CHST9: variants seen among roughly 807,000 people sequenced by gnomAD.
CHST9 encodes GalNAc-4-sulfotransferase 2.
A neutral mutation model predicts 44.4 loss-of-function variants in CHST9; 41 were observed. That is an observed-to-expected ratio of 0.92 (90% CI 0.72 to 1.20). The LOEUF is 1.20. Among genes scored for constraint, CHST9 ranks in the 50% most tolerant of loss-of-function variants. CHST9 has a pLI of 0.00. For missense variants in CHST9, 504 were observed against 516.5 expected (o/e 0.98, Z 0.23); for synonymous variants, 171 against 178.4 (o/e 0.96, Z 0.33).
chr18:27,159,383 T>G (rs1198578959), intron 1 of CHST9, among the ~76,000 whole-genome samples: 3 of 152,230 alleles, frequency 2.0e-5, no homozygotes, highest in Non-Finnish European at 4.4e-5. Flanking sequence ...CCCCATTTCT[T>G]GTTTTTGTCA....
intron 2 of CHST9, 86 bp downstream of exon 2, chr18:27,142,603 A>G (rs1207252799): frequency 2.2e-6 from 2 of 893,886 alleles, no homozygotes; most frequent in Non-Finnish European, 3.1e-6. Flanking sequence ...GTGATTCTCA[A>G]TATATTAATA....
intron 4 of CHST9, among the ~76,000 whole-genome samples, chr18:27,011,195 A>G (rs1351420430): frequency 6.6e-6 from 1 of 152,258 alleles, no homozygotes; most frequent in African/African-American, 2.4e-5. Context: ...AGAATGACAA[A>G]ATAGCAAGCC....
At chr18:27,056,117 AT>A (rs1568152807) in intron 2 of CHST9, among the ~76,000 whole-genome samples, 1 of 152,184 alleles carries the variant, frequency 6.6e-6, no homozygotes, top group Non-Finnish European at 1.5e-5. Flanking sequence ...GAATGAAACA[AT>A]TTTTTTAACT....
At chr18:26,964,611 C>T (rs2056441686) in intron 4 of CHST9, among the ~76,000 whole-genome samples, 1 of 152,228 alleles carries the variant, frequency 6.6e-6, no homozygotes, top group Non-Finnish European at 1.5e-5. Flanking sequence ...TCTGGGTCTA[C>T]CAGTCAGGGC....
chr18:26,979,950 A>G (rs966412893), intron 4 of CHST9, among the ~76,000 whole-genome samples: 4 of 152,208 alleles, frequency 2.6e-5, no homozygotes, highest in Admixed American at 2.0e-4. Flanking sequence ...AAGATTCATA[A>G]ATGAGAAATT....
Position 26,914,680 on chromosome 18 carries a change from G to A in CHST9, c.*1579C>T. The A allele has an allele frequency of 2.8e-6, 1 of 357,700 alleles. No homozygotes were observed. Among genetic ancestry groups the A allele is most frequent in the Non-Finnish European group, 5.0e-6 (1 of 200,646 alleles). The allele number at this position is 357,700 out of a possible 1,614,324, so 22.2% of individuals were successfully genotyped here. ...CACAGATGGGACACGGCAGGTGTGT[G>A]TAAGGAGCGAAGCAATTCATGAATA... is the stretch of plus-strand genomic sequence containing the variant. On this transcript the variant is annotated 3_prime_UTR_variant, in exon 6 of 6. Coordinates refer to ENST00000618847, the MANE Select transcript of CHST9 (RefSeq NM_031422.6).
At chr18:27,006,594 T>C (rs2057018716) in intron 4 of CHST9, among the ~76,000 whole-genome samples, 2 of 152,272 alleles carry the variant, frequency 1.3e-5, no homozygotes, top group South Asian at 4.1e-4. Flanking sequence ...GGAACAATCG[T>C]TTGTTTCTAA....
At chr18:27,118,252 T>C (rs2058345701) in intron 2 of CHST9, among the ~76,000 whole-genome samples, 1 of 152,236 alleles carries the variant, frequency 6.6e-6, no homozygotes, top group African/African-American at 2.4e-5. Context: ...CATTTTCTTA[T>C]TGTTGAGCTT....
At chr18:26,968,999 T>C (rs1274984046) in intron 4 of CHST9, among the ~76,000 whole-genome samples, 1 of 115,170 alleles carries the variant, frequency 8.7e-6, no homozygotes, top group Non-Finnish European at 1.7e-5. Context: ...ATTTATGCAG[T>C]CTTTTTTTTT....
chr18:26,908,680 G>A lies in CHST9; in HGVS notation c.*7579C>T, dbSNP rs2055401042. 6.6e-6 allele frequency: 1 copy of A among 152,156 alleles called. No individual in the cohort carries two copies. Among genetic ancestry groups the A allele is most frequent in the African/African-American group, 2.4e-5 (1 of 41,432 alleles). 9.4% of individuals were successfully genotyped at this position (152,156 alleles called of 1,614,324 possible). ...GGTAGGTAGCAGCAGAACTGTTAGT[G>A]GACCCACATGAAAGGGCTGTGTTTA... On this transcript the variant is annotated 3_prime_UTR_variant, in exon 6 of 6. Transcript: ENST00000618847.
At chr18:27,069,196 G>A (rs76041852) in intron 2 of CHST9, among the ~76,000 whole-genome samples, 20,305 of 152,076 alleles carry the variant, frequency 0.13, 1,928 homozygotes, top group African/African-American at 0.26. Context: ...TTAATAAATT[G>A]ATTTATGAAA....
At chr18:26,942,906 A>G (rs1403025362) in intron 5 of CHST9, among the ~76,000 whole-genome samples, 1 of 152,040 alleles carries the variant, frequency 6.6e-6, no homozygotes, top group African/African-American at 2.4e-5. Flanking sequence ...TCAAGAGATC[A>G]AGACCATCCT....
intron 2 of CHST9, among the ~76,000 whole-genome samples, chr18:27,128,845 G>A (rs1312540960): frequency 6.6e-6 from 1 of 152,202 alleles, no homozygotes; most frequent in Non-Finnish European, 1.5e-5. Flanking sequence ...CTAGAAGGTA[G>A]TGACTACACC....
chr18:27,148,319 C>G (rs2058631301), intron 1 of CHST9, among the ~76,000 whole-genome samples: 1 of 151,350 alleles, frequency 6.6e-6, no homozygotes, highest in South Asian at 2.1e-4. Context: ...AGGTTTGTTA[C>G]ATATGTACAC....
Position 27,159,773 on chromosome 18 carries a change from C to G in CHST9, c.-96-16868G>C, listed in dbSNP as rs1395669347. Among the ~76,000 whole-genome samples, 3 of 152,144 alleles carry G rather than the reference C, an allele frequency of 2.0e-5. No homozygotes were observed. The East Asian group carries it at 5.8e-4, about 29-fold the overall frequency. On this transcript the variant is annotated intron_variant, in intron 1 of 5. Coordinates refer to ENST00000618847, the MANE Select transcript of CHST9 (RefSeq NM_031422.6). ...ATGTTCTTCCATTTGTTTGTATCCT[C>G]TTTTATTTCATTGAGCAGTGGTTTG...
At chr18:27,124,278 G>C (rs570873583) in intron 2 of CHST9, among the ~76,000 whole-genome samples, 1 of 152,186 alleles carries the variant, frequency 6.6e-6, no homozygotes, top group Non-Finnish European at 1.5e-5. Flanking sequence ...CAGAAATCAA[G>C]GATAACCTGA....
chr18:27,036,767 A>AT (rs937550427), intron 3 of CHST9, among the ~76,000 whole-genome samples: 5 of 152,112 alleles, frequency 3.3e-5, no homozygotes, highest in East Asian at 1.9e-4. Flanking sequence ...GAAAGAGACT[A>AT]TTTTTTTTAA....
At chr18:26,936,790 A>C (rs2056000841) in intron 5 of CHST9, 1 of 152,210 alleles carries the variant, frequency 6.6e-6, no homozygotes, top group African/African-American at 2.4e-5. Flanking sequence ...TGACTAGAAA[A>C]TTATTCATGG....
intron 2 of CHST9, among the ~76,000 whole-genome samples, chr18:27,054,884 T>C (rs1178105592): frequency 6.6e-6 from 1 of 152,092 alleles, no homozygotes; most frequent in Non-Finnish European, 1.5e-5. Context: ...TATGTAGGTA[T>C]ATATATATGT....
Sources: allele counts gnomAD v4.1 joint callset (sites outside exome capture counted in the v4.1 genomes callset), GRCh38; gene constraint gnomAD v4.1.1; transcripts MANE v1.5; gene names NCBI Gene and HGNC (gene_info 2026-07-23, HGNC 2026-07-21).